WDR17: variants seen among roughly 807,000 people sequenced by gnomAD.
The protein encoded by WDR17 is WD repeat-containing protein 17.
Under a neutral mutation model 161.7 loss-of-function variants are expected in WDR17, and 143 were observed. The observed-to-expected ratio is 0.88, with a 90% CI of 0.77 to 1.02. The LOEUF (loss-of-function observed/expected upper bound fraction) is 1.02. Ranked by LOEUF, WDR17 falls within the 50% of genes least tolerant of loss-of-function variation. The probability of loss-of-function intolerance (pLI) is 0.00; values close to 1 mark genes in which losing one functional copy is unlikely to be tolerated. For synonymous variants in WDR17, 517 were observed against 515.6 expected (o/e 1.00, Z -0.04); for missense variants, 1,469 against 1,520.9 (o/e 0.97, Z 0.57).
At chr4:176,087,933 C>G (rs1178792542) in intron 1 of WDR17, among the ~76,000 whole-genome samples, 1 of 151,854 alleles carries the variant, frequency 6.6e-6, no homozygotes, top group East Asian at 1.9e-4. Flanking sequence ...AACCTTTGCC[C>G]CCCAGGTTCA....
chr4:176,086,272 A>G (rs1182445202), intron 1 of WDR17, among the ~76,000 whole-genome samples: 1 of 151,948 alleles, frequency 6.6e-6, no homozygotes, highest in Non-Finnish European at 1.5e-5. Flanking sequence ...TTCTATCATT[A>G]TTGGGTACAG....
rs375515102 is a variant in WDR17, at chr4:176,071,613, C to T, written c.-7+5534C>T. On this transcript the variant is annotated intron_variant, in intron 1 of 28. Transcript: ENST00000508596. ...TACAGGCGTGAGCCACCACACCCGG[C>T]CTTTCCCTTTTCTATTATTCTTTGG... Among the ~76,000 whole-genome samples the T allele has an allele frequency of 1.4e-4, 21 of 152,294 alleles. No homozygotes were observed. The East Asian group carries it at 4.1e-3, about 29-fold the overall frequency.
At position 176,150,071 on chromosome 4, in the gene WDR17, T is replaced by C; in HGVS notation, c.2076T>C (p.Pro692=). 1 of 1,614,072 alleles carries C rather than the reference T, an allele frequency of 6.2e-7. No homozygotes were observed. The highest frequency in any genetic ancestry group is 8.5e-7 in the Non-Finnish European group (1 of 1,179,984). ...TDYAIEPGTP[P]LLCGKVSRDI... ...ATGCTATAGAACCAGGCACTCCTCCTCTACTGTGTGGTAAAGTGTCAAGAG... is the reference window on the plus strand; with the variant it reads ...ATGCTATAGAACCAGGCACTCCTCCCCTACTGTGTGGTAAAGTGTCAAGAG... The change falls in exon 15 of 29, where the codon CCT becomes CCC. Residue 692 remains proline (P), a synonymous_variant. Coordinates refer to ENST00000508596, the MANE Select transcript of WDR17 (RefSeq NM_181265.4).
Position 176,115,135 on chromosome 4 carries a change from A to G in WDR17, c.124-661A>G, listed in dbSNP as rs558214598. 5.3e-5 allele frequency among the ~76,000 whole-genome samples: 8 copies of G among 152,210 alleles called. No individual in the cohort carries two copies. The South Asian group carries it at 1.7e-3, about 32-fold the overall frequency. ...AATAGCACTGTGAAAGGCTCATTAT[A>G]TGCTAAAGGGGAAGAAACTACAACA... On this transcript the variant is annotated intron_variant, in intron 2 of 28. Transcript: ENST00000508596.
intron 1 of WDR17, among the ~76,000 whole-genome samples, chr4:176,078,543 T>C (rs1343023765): frequency 2.6e-5 from 4 of 152,144 alleles, no homozygotes; most frequent in Non-Finnish European, 5.9e-5. Context: ...GAAACACTTG[T>C]ATGCCTCTAT....
chr4:176,067,758 ACT>A (rs1732709917), intron 1 of WDR17, among the ~76,000 whole-genome samples: 1 of 152,028 alleles, frequency 6.6e-6, no homozygotes, highest in South Asian at 2.1e-4. Flanking sequence ...TTTTCTACAG[ACT>A]CTATCTTGTA....
chr4:176,067,535 TGAA>T (rs1179683061), intron 1 of WDR17, among the ~76,000 whole-genome samples: 1 of 152,270 alleles, frequency 6.6e-6, no homozygotes, highest in Admixed American at 6.5e-5. Flanking sequence ...TGTGGACATC[TGAA>T]GAAGACGTTA....
rs185048903 is a variant in WDR17, at chr4:176,094,596, G to A, written c.-6-16979G>A. Among the ~76,000 whole-genome samples the A allele has an allele frequency of 4.6e-5, 7 of 152,200 alleles. 1 individual carries two copies. Among genetic ancestry groups the A allele is most frequent in the African/African-American group, 1.4e-4 (6 of 41,542 alleles). On this transcript the variant is annotated intron_variant, in intron 1 of 28. Transcript: ENST00000508596. ...AACATAGAAGGACAACATATATTTC[G>A]GAAATACATTGAAAGCAGAGAACAG...
At chr4:176,169,748 G>A (rs1750426543) in intron 23 of WDR17, among the ~76,000 whole-genome samples, 3 of 152,138 alleles carry the variant, frequency 2.0e-5, no homozygotes, top group Non-Finnish European at 4.4e-5. Flanking sequence ...GAATGACAAC[G>A]TGTGGGTGGA....
At chr4:176,083,696 A>G (rs1384393140) in intron 1 of WDR17, among the ~76,000 whole-genome samples, 1 of 152,110 alleles carries the variant, frequency 6.6e-6, no homozygotes, top group Non-Finnish European at 1.5e-5. Context: ...CTATACACTT[A>G]GGAGTGGAAA....
intron 1 of WDR17, among the ~76,000 whole-genome samples, chr4:176,080,285 C>T (rs1734574532): frequency 6.6e-6 from 1 of 150,904 alleles, no homozygotes; most frequent in Non-Finnish European, 1.5e-5. Context: ...GAATTAGACT[C>T]AAGATAAAAA....
intron 6 of WDR17, 68 bp downstream of exon 6, chr4:176,128,928 A>T: frequency 7.4e-7 from 1 of 1,357,034 alleles, no homozygotes; most frequent in East Asian, 2.7e-5. Flanking sequence ...ATAAAATGGT[A>T]TAGTGAGATA....
At position 176,135,241 on chromosome 4, in the gene WDR17, A is replaced by G. The variant is rs747134919; in HGVS notation, c.1232A>G (p.Asn411Ser). 1 of 1,612,204 alleles carries G rather than the reference A, an allele frequency of 6.2e-7. No individual in the cohort carries two copies. The highest frequency in any genetic ancestry group is 1.7e-5 in the Admixed American group (1 of 59,952). ...ACAGCAGTGTACACATCCCCGGGTAATGAAGGTGTTATTTATTCCCTTTCT... is the reference window on the plus strand; with the variant it reads ...ACAGCAGTGTACACATCCCCGGGTAGTGAAGGTGTTATTTATTCCCTTTCT... The part of the protein sequence containing the change: ...TLTAVYTSPG[N>S]EGVIYSLSWA... The change falls in exon 8 of 29, where the codon AAT becomes AGT. Residue 411 changes from asparagine to serine, a missense_variant. Transcript: ENST00000508596.
At chr4:176,114,629 G>A (rs1740300180) in intron 2 of WDR17, among the ~76,000 whole-genome samples, 1 of 151,852 alleles carries the variant, frequency 6.6e-6, no homozygotes, top group African/African-American at 2.4e-5. Context: ...ATTCCTGTAA[G>A]GTGTAAGGAA....
At chr4:176,084,944 G>A (rs746824995) in intron 1 of WDR17, among the ~76,000 whole-genome samples, 3 of 151,508 alleles carry the variant, frequency 2.0e-5, no homozygotes, top group African/African-American at 4.8e-5. Flanking sequence ...GACTCATGCT[G>A]TTCCATTAGT....
chr4:176,160,799 T>C, intron 19 of WDR17, 112 bp from the exon 20 acceptor site: 2 of 834,204 alleles, frequency 2.4e-6, no homozygotes, highest in Non-Finnish European at 3.5e-6. Flanking sequence ...CTCCAAATTA[T>C]AGTATAAATT....
intron 6 of WDR17, among the ~76,000 whole-genome samples, chr4:176,130,471 G>T (rs188447423): frequency 6.6e-6 from 1 of 152,076 alleles, no homozygotes; most frequent in African/African-American, 2.4e-5. Flanking sequence ...ATGGCCGGGC[G>T]CGGTGGCTCA....
In WDR17 at chr4:176,150,522, G is replaced by A; in HGVS notation, c.2233G>A (p.Asp745Asn). 1 of 1,612,394 alleles carries A rather than the reference G, an allele frequency of 6.2e-7. No homozygotes were observed. The highest frequency in any genetic ancestry group is 8.5e-7 in the Non-Finnish European group (1 of 1,179,354). ...WNLVAVIKGQ[D>N]DSLLPQNYCK... is the part of the protein sequence containing the mutation. ...CTTGGTTGCTGTGATAAAAGGACAG[G>A]ATGATAGCTTACTTCCTCAGAACTA... is the stretch of plus-strand genomic sequence containing the variant. The change falls in exon 16 of 29, where the codon GAT becomes AAT. Residue 745 changes from aspartate (D) to asparagine (N), a missense_variant. Coordinates refer to ENST00000508596, the MANE Select transcript of WDR17 (RefSeq NM_181265.4).
At chr4:176,120,308 A>G (rs1430733690) in intron 4 of WDR17, among the ~76,000 whole-genome samples, 1 of 110,508 alleles carries the variant, frequency 9.0e-6, no homozygotes, top group Non-Finnish European at 1.9e-5. Context: ...ATATATATAT[A>G]TATATATATA....
Sources: allele counts gnomAD v4.1 joint callset (sites outside exome capture counted in the v4.1 genomes callset), GRCh38; gene constraint gnomAD v4.1.1; transcripts MANE v1.5; gene names NCBI Gene and HGNC (gene_info 2026-07-23, HGNC 2026-07-21).